Variants in HACL1 observed in about 807,000 individuals in gnomAD.
HACL1 encodes the protein 1600020H07Rik.
A neutral mutation model predicts 74.2 loss-of-function variants in HACL1; 64 were observed. The ratio of observed to expected loss-of-function variants is 0.86; its 90% confidence interval spans 0.70 to 1.06. The LOEUF is 1.06. HACL1 is among the 50% of genes least tolerant of loss of function. The pLI is 0.00. For synonymous variants in HACL1, 230 were observed against 238.8 expected, an observed-to-expected ratio of 0.96 and a Z score of 0.34; for missense variants, 728 against 719.7, an observed-to-expected ratio of 1.01 and a Z score of -0.13.
chr3:15,591,879 C>CATATACGTATATAGTGTATACACTAT (rs2063903739), intron 3 of HACL1, among the ~76,000 whole-genome samples, 199 bp from the exon 4 acceptor site: 1 of 150,134 alleles, frequency 6.7e-6, no homozygotes, highest in Non-Finnish European at 1.5e-5. Flanking sequence ...TACATACACA[C>CATATACGTATATAGTGTATACACTAT]ATATACGTAT....
intron 11 of HACL1, among the ~76,000 whole-genome samples, chr3:15,572,469 C>A (rs762983768): frequency 6.6e-6 from 1 of 152,304 alleles, no homozygotes; most frequent in African/African-American, 2.4e-5. Flanking sequence ...CCTCCTCGGT[C>A]TTTGACACTG....
chr3:15,580,457 TCAAAA>T (rs1275778754), intron 8 of HACL1, among the ~76,000 whole-genome samples: 3 of 152,178 alleles, frequency 2.0e-5, no homozygotes, highest in Non-Finnish European at 4.4e-5. Context: ...GGGCTTAAAC[TCAAAA>T]CAAATTGTGA....
intron 12 of HACL1, among the ~76,000 whole-genome samples, chr3:15,569,101 TA>T (rs764738060): frequency 2.0e-5 from 3 of 152,172 alleles, no homozygotes; most frequent in Non-Finnish European, 4.4e-5. Context: ...CCCACTATTC[TA>T]AAGAGTCCCT....
At chr3:15,587,061 T>C (rs894384037) in intron 5 of HACL1, among the ~76,000 whole-genome samples, 2 of 152,222 alleles carry the variant, frequency 1.3e-5, no homozygotes, top group African/African-American at 4.8e-5. Flanking sequence ...TATACTTTCT[T>C]GCTATGGTGT....
At chr3:15,562,789 G>GT (rs2063364689) in intron 16 of HACL1, among the ~76,000 whole-genome samples, 1 of 152,168 alleles carries the variant, frequency 6.6e-6, no homozygotes, top group Non-Finnish European at 1.5e-5. Context: ...GGAGGTCAAA[G>GT]TAACTAATTT....
intron 5 of HACL1, among the ~76,000 whole-genome samples, chr3:15,587,869 A>C (rs1416555752): frequency 1.3e-5 from 2 of 152,194 alleles, no homozygotes; most frequent in African/African-American, 2.4e-5. Context: ...TCTGATTTAC[A>C]AATAGACTTT....
intron 14 of HACL1, among the ~76,000 whole-genome samples, chr3:15,567,242 G>T (rs149522163): frequency 8.3e-6 from 1 of 120,504 alleles, no homozygotes; most frequent in African/African-American, 3.2e-5. Context: ...ATGGAGTCTC[G>T]CTCTGTCACC....
At chr3:15,588,852 C>T (rs2063841605) in intron 5 of HACL1, among the ~76,000 whole-genome samples, 1 of 151,286 alleles carries the variant, frequency 6.6e-6, no homozygotes, top group Non-Finnish European at 1.5e-5. Flanking sequence ...TATACTTGTC[C>T]AGAGTCTACT....
intron 3 of HACL1, chr3:15,596,130 G>A (rs2064058298): frequency 2.4e-6 from 1 of 409,624 alleles, no homozygotes; most frequent in South Asian, 3.3e-5. Context: ...TCCAAGACAA[G>A]GTATCATACA....
intron 3 of HACL1, 65 bp downstream of exon 3, chr3:15,596,319 T>TCTACCC: frequency 1.2e-6 from 1 of 826,952 alleles, no homozygotes. Context: ...ATCCTTCAGC[T>TCTACCC]GAAAGACGTA....
At chr3:15,583,581 C>A (rs896451565) in intron 7 of HACL1, among the ~76,000 whole-genome samples, 1 of 152,028 alleles carries the variant, frequency 6.6e-6, no homozygotes, top group African/African-American at 2.4e-5. Flanking sequence ...AGAGACAGGA[C>A]TGAACTAGTC....
Position 15,580,048 on chromosome 3 carries a change from A to G in HACL1, c.668-3T>C, listed in dbSNP as rs567749845. 118 of 1,610,880 alleles carry G rather than the reference A, an allele frequency of 7.3e-5. No individual in the cohort carries two copies. The Middle Eastern group carries it at 9.9e-4, about 14-fold the overall frequency. On this transcript the variant is annotated splice_region_variant and splice_polypyrimidine_tract_variant and intron_variant, in intron 8 of 16. Coordinates refer to ENST00000321169, the MANE Select transcript of HACL1 (RefSeq NM_012260.4). ...TTCTGCATGAGCGTAAGCAGCACCT[A>G]TAAGAAATGCAAATGTATTGGACAA...
At chr3:15,585,583 T>C (rs1452711564) in intron 6 of HACL1, among the ~76,000 whole-genome samples, 2 of 152,200 alleles carry the variant, frequency 1.3e-5, no homozygotes, top group East Asian at 1.9e-4. Context: ...TCATGTTCTA[T>C]TACACTTTAG....
chr3:15,564,622 GT>G lies in HACL1; in HGVS notation c.1445del (p.Asn482ThrfsTer17). On this transcript the variant is annotated frameshift_variant, in exon 15 of 17. Coordinates refer to ENST00000321169, the MANE Select transcript of HACL1 (RefSeq NM_012260.4). LOFTEE classifies it high-confidence loss of function. ...NLPIILLVVN[N>X]NGIYQGFDTD... ...TATCAAAACCTTGGTAAATTCCATT[GT>G]TATTCACTACCAACAGTATGATTGG... 6.4e-7 allele frequency: 1 copy of G among 1,567,570 alleles called. No homozygotes were observed. Among genetic ancestry groups the G allele is most frequent in the Non-Finnish European group, 8.8e-7 (1 of 1,140,230 alleles).
chr3:15,585,474 T>C, intron 6 of HACL1, 132 bp from the exon 7 acceptor site: 1 of 602,060 alleles, frequency 1.7e-6, no homozygotes, highest in Non-Finnish European at 3.0e-6. Context: ...AAAAAATAAT[T>C]ATGATGAAAA....
chr3:15,562,392 C>T (rs1334887822), intron 16 of HACL1, among the ~76,000 whole-genome samples: 21 of 152,110 alleles, frequency 1.4e-4, no homozygotes, highest in Non-Finnish European at 1.9e-4. Context: ...GAAGTAAATG[C>T]CAAAGTCATT....
chr3:15,582,775 C>T, intron 8 of HACL1, 102 bp downstream of exon 8: 2 of 588,940 alleles, frequency 3.4e-6, no homozygotes, highest in Non-Finnish European at 3.1e-6. Flanking sequence ...ATTCTTATTC[C>T]AATCTCAAAC....
intron 9 of HACL1, among the ~76,000 whole-genome samples, chr3:15,576,442 T>C (rs958277346): frequency 6.6e-6 from 1 of 152,162 alleles, no homozygotes; most frequent in Non-Finnish European, 1.5e-5. Flanking sequence ...TTTTATTTTA[T>C]ATATTTTAAT....
chr3:15,570,533 C>T (rs1293936772), intron 12 of HACL1, among the ~76,000 whole-genome samples: 1 of 151,098 alleles, frequency 6.6e-6, no homozygotes, highest in Non-Finnish European at 1.5e-5. Context: ...ACGCATAAGA[C>T]ACAGAAAACT....
Sources: allele counts gnomAD v4.1 joint callset (sites outside exome capture counted in the v4.1 genomes callset), GRCh38; gene constraint gnomAD v4.1.1; transcripts MANE v1.5; gene names NCBI Gene and HGNC (gene_info 2026-07-23, HGNC 2026-07-21).